Variants in OLA1 observed in about 807,000 individuals in gnomAD.
OLA1 encodes Obg like ATPase 1.
In OLA1, 14 loss-of-function variants were observed where a neutral mutation model predicts 48.4. The observed-to-expected ratio is 0.29, with a 90% CI of 0.19 to 0.45. The LOEUF is 0.45. Among genes scored for constraint, OLA1 ranks in the 20% least tolerant of loss-of-function variants. OLA1 has a pLI of 1.00. For synonymous variants in OLA1, 127 were observed against 150.4 expected, an observed-to-expected ratio of 0.84 and a Z score of 1.14; for missense variants, 325 against 467.1, an observed-to-expected ratio of 0.70 and a Z score of 2.80.
At chr2:174,174,602 A>G (rs1397663282) in intron 4 of OLA1, among the ~76,000 whole-genome samples, 3 of 152,042 alleles carry the variant, frequency 2.0e-5, no homozygotes, top group Admixed American at 1.3e-4. Flanking sequence ...TAGGGATAAA[A>G]TTAACAAAAT....
intron 4 of OLA1, among the ~76,000 whole-genome samples, chr2:174,213,651 C>T (rs184037481): frequency 9.9e-4 from 151 of 152,230 alleles, no homozygotes; most frequent in African/African-American, 3.6e-3. Flanking sequence ...TTCCAAATAA[C>T]GCACCCTGCT....
At chr2:174,147,427 C>CA (rs950672584) in intron 4 of OLA1, among the ~76,000 whole-genome samples, 4 of 150,810 alleles carry the variant, frequency 2.7e-5, no homozygotes, top group South Asian at 2.1e-4. Flanking sequence ...AACTCCGTCT[C>CA]AAAAAAAAGA....
intron 7 of OLA1, among the ~76,000 whole-genome samples, chr2:174,085,493 C>T (rs954631821): frequency 4.6e-5 from 7 of 152,194 alleles, no homozygotes; most frequent in Admixed American, 6.5e-5. Context: ...TGAAACCACA[C>T]CCCCATCACC....
At chr2:174,135,023 G>A (rs1686271715) in intron 5 of OLA1, among the ~76,000 whole-genome samples, 1 of 152,120 alleles carries the variant, frequency 6.6e-6, no homozygotes, top group Admixed American at 6.5e-5. Context: ...AGCCAGGCAT[G>A]GTGGCGGGCG....
intron 4 of OLA1, among the ~76,000 whole-genome samples, chr2:174,185,498 C>A (rs1482213576): frequency 6.6e-6 from 1 of 152,042 alleles, no homozygotes; most frequent in Non-Finnish European, 1.5e-5. Context: ...TTTTTTGAGA[C>A]TTTTTTCCTA....
chr2:174,219,559 C>T (rs1212268283), intron 4 of OLA1, among the ~76,000 whole-genome samples: 1 of 150,786 alleles, frequency 6.6e-6, no homozygotes, highest in African/African-American at 2.4e-5. Context: ...CCTCGAGTAG[C>T]TGAGACCACA....
intron 4 of OLA1, among the ~76,000 whole-genome samples, chr2:174,153,361 A>G (rs1346245205): frequency 6.6e-6 from 1 of 152,154 alleles, no homozygotes; most frequent in Non-Finnish European, 1.5e-5. Flanking sequence ...ACTTTAAAGC[A>G]GTGAAAAACA....
chr2:174,125,465 C>T (rs1012242751), intron 5 of OLA1, among the ~76,000 whole-genome samples: 4 of 152,038 alleles, frequency 2.6e-5, no homozygotes, highest in Non-Finnish European at 5.9e-5. Flanking sequence ...AAAAAACAGT[C>T]GTACCATCTT....
At chr2:174,165,713 G>A (rs940323317) in intron 4 of OLA1, among the ~76,000 whole-genome samples, 3 of 152,076 alleles carry the variant, frequency 2.0e-5, no homozygotes, top group South Asian at 2.1e-4. Flanking sequence ...TCAAAGGACC[G>A]GATTAGCTTA....
At chr2:174,126,618 C>G (rs1252649709) in intron 5 of OLA1, among the ~76,000 whole-genome samples, 2 of 152,180 alleles carry the variant, frequency 1.3e-5, no homozygotes, top group East Asian at 1.9e-4. Flanking sequence ...CTTACCAGGT[C>G]TGTGACCTAC....
At chr2:174,223,761 T>C (rs1053243638) in intron 3 of OLA1, among the ~76,000 whole-genome samples, 20 of 35,860 alleles carry the variant, frequency 5.6e-4, no homozygotes, top group Middle Eastern at 0.028. Flanking sequence ...ACATGTTATA[T>C]AGACAAAAAA....
At chr2:174,204,279 T>C (rs1235998157) in intron 4 of OLA1, among the ~76,000 whole-genome samples, 1 of 151,998 alleles carries the variant, frequency 6.6e-6, no homozygotes, top group Admixed American at 6.5e-5. Flanking sequence ...CGGGCGCCTG[T>C]AGTCCCAGCT....
chr2:174,235,239 A>C (rs544349188), intron 2 of OLA1, among the ~76,000 whole-genome samples: 9 of 152,314 alleles, frequency 5.9e-5, no homozygotes, highest in African/African-American at 2.2e-4. Context: ...GCTGAATACT[A>C]GGAAAGAGTG....
chr2:174,110,302 ATTTTTTTTT>A (rs575026912), intron 7 of OLA1, among the ~76,000 whole-genome samples: 2 of 113,888 alleles, frequency 1.8e-5, no homozygotes, highest in Admixed American at 9.5e-5. Flanking sequence ...CCATGCTTGG[ATTTTTTTTT>A]TTTTTTTTTT....
intron 7 of OLA1, among the ~76,000 whole-genome samples, chr2:174,113,107 A>AT (rs1238719189): frequency 6.6e-6 from 1 of 151,846 alleles, no homozygotes; most frequent in African/African-American, 2.4e-5. Flanking sequence ...AGCCCAGCTA[A>AT]TTTTTTTGTA....
intron 4 of OLA1, among the ~76,000 whole-genome samples, chr2:174,181,264 T>C (rs1687527727): frequency 6.6e-6 from 1 of 151,746 alleles, no homozygotes; most frequent in South Asian, 2.1e-4. Context: ...TTCACTGGAG[T>C]AGGTTTTTAA....
intron 5 of OLA1, among the ~76,000 whole-genome samples, chr2:174,140,931 T>TTTTATTTA (rs144302096): frequency 6.6e-6 from 1 of 151,860 alleles, no homozygotes; most frequent in African/African-American, 2.4e-5. Flanking sequence ...TTTAAAAATA[T>TTTTATTTA]TTTATTTATT....
chr2:174,120,017 G>A (rs1437500986), intron 7 of OLA1, among the ~76,000 whole-genome samples: 5 of 151,524 alleles, frequency 3.3e-5, no homozygotes, highest in African/African-American at 1.2e-4. Flanking sequence ...TTTTCCAGTT[G>A]AACATAAATA....
intron 4 of OLA1, among the ~76,000 whole-genome samples, chr2:174,213,317 C>T (rs1377220899): frequency 6.6e-6 from 1 of 152,128 alleles, no homozygotes; most frequent in Non-Finnish European, 1.5e-5. Context: ...TATTGAGAAA[C>T]CTTAACAAGT....
Sources: gnomAD v4.1 joint callset for allele counts (sites outside exome capture counted in the v4.1 genomes callset) on GRCh38, gnomAD v4.1.1 for gene constraint, MANE v1.5 for transcripts, NCBI Gene and HGNC (gene_info 2026-07-23, HGNC 2026-07-21) for gene names.